INSL6: variants seen among roughly 807,000 people sequenced by gnomAD.
The protein encoded by INSL6 is insulin like 6.
A neutral mutation model predicts 9.4 loss-of-function variants in INSL6; 16 were observed. The observed-to-expected ratio is 1.70, with a 90% CI of 1.15 to 2.59. INSL6 has a LOEUF of 2.59. Ranked by LOEUF, INSL6 falls within the 30% of genes most tolerant of loss-of-function variation. The probability of loss-of-function intolerance (pLI) is 0.00; values close to 1 mark genes in which losing one functional copy is unlikely to be tolerated. For missense variants in INSL6, 391 were observed against 257.3 expected (o/e 1.52, Z -3.56); for synonymous variants, 154 against 96.9 (o/e 1.59, Z -3.46).
the INSL6 span, among the ~76,000 whole-genome samples, chr9:5,022,548 A>C: frequency 6.6e-6 from 1 of 152,242 alleles, no homozygotes; most frequent in African/African-American, 2.4e-5. Flanking sequence ...ATGAAAGCAA[A>C]AAATTAATGT....
At chr9:5,111,225 C>CG in the INSL6 span, 1 of 311,860 alleles carries the variant, frequency 3.2e-6, no homozygotes, top group Non-Finnish European at 5.7e-6. Flanking sequence ...GCAGCTAGCG[C>CG]GGGCCTATTC....
At chr9:5,004,239 T>C in the INSL6 span, among the ~76,000 whole-genome samples, 5 of 152,196 alleles carry the variant, frequency 3.3e-5, no homozygotes, top group African/African-American at 1.2e-4. Flanking sequence ...TTACTCCTCC[T>C]ATCTAACAGA....
At chr9:5,149,887 A>T (rs1824678023) in intron 2 of INSL6, among the ~76,000 whole-genome samples, 1 of 152,242 alleles carries the variant, frequency 6.6e-6, no homozygotes, top group Admixed American at 6.5e-5. Context: ...GGCTACTCAT[A>T]TAAAAACAGA....
chr9:5,022,124 C>A, the INSL6 span: 89 of 1,613,896 alleles, frequency 5.5e-5, no homozygotes, highest in African/African-American at 9.2e-4. Context: ...CTTTACCATT[C>A]CCTTGGGAAA....
At chr9:5,071,841 A>G in the INSL6 span, among the ~76,000 whole-genome samples, 1 of 152,206 alleles carries the variant, frequency 6.6e-6, no homozygotes, top group African/African-American at 2.4e-5. Flanking sequence ...TTTGAACACA[A>G]GCAGCCTTAC....
the INSL6 span, chr9:5,111,050 G>T: frequency 2.0e-6 from 2 of 1,016,814 alleles, no homozygotes; most frequent in Non-Finnish European, 2.9e-6. Flanking sequence ...CAATTCAGAG[G>T]TTCAGGTCTT....
chr9:5,029,315 A>G, the INSL6 span, among the ~76,000 whole-genome samples: 2 of 152,188 alleles, frequency 1.3e-5, no homozygotes, highest in Non-Finnish European at 2.9e-5. Context: ...TTGTCATCTT[A>G]TATGGGCACG....
the INSL6 span, among the ~76,000 whole-genome samples, chr9:5,115,014 G>A: frequency 6.6e-6 from 1 of 152,094 alleles, no homozygotes; most frequent in African/African-American, 2.4e-5. Flanking sequence ...CATGGGCAAG[G>A]ACTTCATGAC....
downstream of INSL6, chr9:5,163,846 T>C: frequency 9.4e-7 from 1 of 1,063,826 alleles, no homozygotes; most frequent in South Asian, 1.4e-5. Flanking sequence ...TATGCACAAT[T>C]ACAAAAAAAA....
chr9:5,104,240 C>T, the INSL6 span, among the ~76,000 whole-genome samples: 9 of 152,028 alleles, frequency 5.9e-5, no homozygotes, highest in South Asian at 2.1e-4. Flanking sequence ...ATATCACCAC[C>T]GATCCCACAG....
At chr9:5,175,225 C>T (rs1418008370) in intron 1 of INSL6, among the ~76,000 whole-genome samples, 1 of 152,158 alleles carries the variant, frequency 6.6e-6, no homozygotes, top group Non-Finnish European at 1.5e-5. Context: ...CAGGCATGAG[C>T]CACCGCGTCT....
intron 3 of INSL6, chr9:5,127,825 T>C: frequency 4.3e-6 from 1 of 232,510 alleles, no homozygotes; most frequent in Middle Eastern, 1.3e-3. Flanking sequence ...ATTTGAGGGG[T>C]TTCAGAATTT....
At chr9:5,137,288 CAA>C (rs770959957) in intron 2 of INSL6, among the ~76,000 whole-genome samples, 1 of 151,310 alleles carries the variant, frequency 6.6e-6, no homozygotes, top group African/African-American at 2.4e-5. Flanking sequence ...CATATGGAAC[CAA>C]AAAAAAGAGC....
chr9:5,167,022 G>C (rs1443387611), intron 1 of INSL6, among the ~76,000 whole-genome samples: 1 of 152,004 alleles, frequency 6.6e-6, no homozygotes, highest in East Asian at 1.9e-4. Context: ...GACAAAAATG[G>C]CAAGTGGATT....
chr9:5,062,300 A>T, the INSL6 span, among the ~76,000 whole-genome samples: 13,115 of 151,876 alleles, frequency 0.086, 1,699 homozygotes, highest in African/African-American at 0.29. Context: ...TCCCCCTTGT[A>T]TTCTGAGGGA....
rs1260075444 is a variant in INSL6, at chr9:5,151,724, A to C, written c.376+12455T>G. On this transcript the variant is annotated intron_variant, in intron 2 of 3. Transcript: ENST00000649639. ...AAATTCAACCCAATAGAATGCAAAA[A>C]AGGACAAAATGCAACAGATCAGATG... is the stretch of plus-strand genomic sequence containing the variant. 4.6e-5 allele frequency among the ~76,000 whole-genome samples: 7 copies of C among 152,328 alleles called. No individual in the cohort carries two copies. The East Asian group carries it at 1.3e-3, about 29-fold the overall frequency.
the INSL6 span, among the ~76,000 whole-genome samples, chr9:5,107,655 A>T: frequency 1.4e-4 from 22 of 152,202 alleles, no homozygotes; most frequent in African/African-American, 5.1e-4. Flanking sequence ...TATTTACATC[A>T]ACATTATATT....
At chr9:5,102,044 C>G in the INSL6 span, among the ~76,000 whole-genome samples, 16 of 152,114 alleles carry the variant, frequency 1.1e-4, no homozygotes, top group Admixed American at 1.0e-3. Flanking sequence ...ATGACTTTGA[C>G]GAGCTGACAG....
At chr9:5,105,575 A>T in the INSL6 span, among the ~76,000 whole-genome samples, 1 of 152,212 alleles carries the variant, frequency 6.6e-6, no homozygotes, top group Non-Finnish European at 1.5e-5. Flanking sequence ...TTTCAAGTTC[A>T]TATGGAACCA....
Sources: allele counts gnomAD v4.1 joint callset (sites outside exome capture counted in the v4.1 genomes callset), GRCh38; gene constraint gnomAD v4.1.1; transcripts MANE v1.5; gene names NCBI Gene and HGNC (gene_info 2026-07-23, HGNC 2026-07-21).